PPM1E: variants seen among roughly 807,000 people sequenced by gnomAD.
PPM1E encodes the protein protein phosphatase 1E.
PPM1E carries 20 observed loss-of-function variants against 65.9 expected under a neutral mutation model. The observed-to-expected ratio is 0.30, with a 90% CI of 0.21 to 0.44. PPM1E has a LOEUF of 0.44. Ranked by LOEUF, PPM1E falls within the 20% of genes least tolerant of loss-of-function variation. The pLI is 1.00. For synonymous variants in PPM1E, 352 were observed against 374.9 expected, an observed-to-expected ratio of 0.94 and a Z score of 0.70; for missense variants, 713 against 953.1, an observed-to-expected ratio of 0.75 and a Z score of 3.32.
chr17:58,965,718 G>A lies in PPM1E; in HGVS notation c.608G>A (p.Arg203His), dbSNP rs759615540. The change falls in exon 3 of 7, where the codon CGT becomes CAT. Residue 203 changes from arginine (R) to histidine (H), a missense_variant. By Grantham distance (29) the Arg-to-His change is conservative. Coordinates refer to ENST00000308249, the MANE Select transcript of PPM1E (RefSeq NM_014906.5). The stretch of plus-strand genomic sequence containing the variant: ...GAGATTGAGACAGTGAAATTGGCCC[G>A]TTCTGTCTTCAGCAAACTACACGAG... ...TVEIETVKLA[R>H]SVFSKLHEIC... 27 of 1,613,940 alleles carry A rather than the reference G, an allele frequency of 1.7e-5. No homozygotes were observed. Among genetic ancestry groups the A allele is most frequent in the Non-Finnish European group, 2.2e-5 (26 of 1,180,010 alleles).
At chr17:58,762,888 A>C (rs1209672684) in intron 1 of PPM1E, among the ~76,000 whole-genome samples, 1 of 140,912 alleles carries the variant, frequency 7.1e-6, no homozygotes, top group Non-Finnish European at 1.5e-5. Context: ...ACAGAGCGAG[A>C]CTCCGTCTCA....
At chr17:58,835,203 T>C (rs2050642913) in intron 1 of PPM1E, among the ~76,000 whole-genome samples, 1 of 152,102 alleles carries the variant, frequency 6.6e-6, no homozygotes, top group East Asian at 1.9e-4. Flanking sequence ...TCGCCAACCA[T>C]GGTGGCACGT....
intron 1 of PPM1E, among the ~76,000 whole-genome samples, chr17:58,870,762 G>T (rs1356549481): frequency 2.0e-5 from 3 of 152,190 alleles, no homozygotes; most frequent in Admixed American, 6.5e-5. Flanking sequence ...TGTGCCGTAA[G>T]TATTAAACAT....
intron 1 of PPM1E, among the ~76,000 whole-genome samples, chr17:58,832,606 T>A (rs1002301917): frequency 4.3e-4 from 65 of 152,262 alleles, no homozygotes; most frequent in African/African-American, 1.5e-3. Context: ...TAACGTAACA[T>A]GAAATTTTAA....
At chr17:58,765,211 C>T (rs1282534289) in intron 1 of PPM1E, among the ~76,000 whole-genome samples, 2 of 145,562 alleles carry the variant, frequency 1.4e-5, no homozygotes, top group African/African-American at 2.6e-5. Context: ...CAGGGTCTCG[C>T]TCTGTCACCA....
At chr17:58,862,720 C>A (rs1245874658) in intron 1 of PPM1E, among the ~76,000 whole-genome samples, 1 of 152,128 alleles carries the variant, frequency 6.6e-6, no homozygotes, top group Non-Finnish European at 1.5e-5. Context: ...TGGGGAAGGC[C>A]TCCAATAATA....
At position 58,775,900 on chromosome 17, in the gene PPM1E, G is replaced by A. The variant is rs1421818351; in HGVS notation, c.464+19439G>A. ...CTGCAGTCCGCAGTCCGGCCTGGGC[G>A]ACAGAGCGAGACTCCGTCTCAAAAA... On this transcript the variant is annotated intron_variant, in intron 1 of 6. Coordinates refer to ENST00000308249, the MANE Select transcript of PPM1E (RefSeq NM_014906.5). 9.7e-5 allele frequency among the ~76,000 whole-genome samples: 11 copies of A among 113,160 alleles called. No homozygotes were observed. The Admixed American group carries it at 1.3e-3, about 13-fold the overall frequency. 74.2% of individuals were successfully genotyped at this position (113,160 alleles called of 152,430 possible). A position where few individuals can be genotyped will look rare whatever the true frequency, so the allele number is the denominator to read the frequency against.
intron 1 of PPM1E, among the ~76,000 whole-genome samples, chr17:58,939,872 C>A (rs763241013): frequency 1.3e-5 from 2 of 152,142 alleles, no homozygotes; most frequent in Non-Finnish European, 2.9e-5. Flanking sequence ...TTCAAAATAT[C>A]TGTTTATATA....
chr17:58,868,323 CAAAACA>C (rs1218158608), intron 1 of PPM1E, among the ~76,000 whole-genome samples: 1 of 151,818 alleles, frequency 6.6e-6, no homozygotes, highest in Admixed American at 6.6e-5. Flanking sequence ...TGTCTCAATA[CAAAACA>C]AAAACAAAAA....
chr17:58,778,561 C>T (rs940379065), intron 1 of PPM1E, among the ~76,000 whole-genome samples: 11 of 151,744 alleles, frequency 7.2e-5, no homozygotes, highest in Non-Finnish European at 1.5e-4. Context: ...AGGCATGTGC[C>T]ACCATGCCTC....
At chr17:58,921,336 G>A (rs544448548) in intron 1 of PPM1E, among the ~76,000 whole-genome samples, 1 of 152,142 alleles carries the variant, frequency 6.6e-6, no homozygotes, top group South Asian at 2.1e-4. Flanking sequence ...AGTAGAGAGG[G>A]GTAATTGATA....
intron 1 of PPM1E, among the ~76,000 whole-genome samples, chr17:58,945,176 A>G (rs1330937624): frequency 6.8e-6 from 1 of 146,004 alleles, no homozygotes; most frequent in Non-Finnish European, 1.5e-5. Context: ...ACTGAGTCTC[A>G]CTCTGTCATA....
rs574005471 is a variant in PPM1E, at chr17:58,768,961, G to A, written c.464+12500G>A. ...TGGGATTACAGGTGTGAGCCAATGC[G>A]CCTGGCCTATTGCTGTTTATTAAAA... On this transcript the variant is annotated intron_variant, in intron 1 of 6. Coordinates refer to ENST00000308249, the MANE Select transcript of PPM1E (RefSeq NM_014906.5). Among the ~76,000 whole-genome samples, 26 of 152,132 alleles carry A rather than the reference G, an allele frequency of 1.7e-4. No individual in the cohort carries two copies. In the East Asian group the frequency reaches 3.7e-3, roughly 21 times the overall value.
At chr17:58,865,771 C>T (rs1207281109) in intron 1 of PPM1E, among the ~76,000 whole-genome samples, 1 of 152,200 alleles carries the variant, frequency 6.6e-6, no homozygotes, top group Non-Finnish European at 1.5e-5. Context: ...TTTAGACTAT[C>T]AGTCTCTTGA....
At chr17:58,929,091 T>G (rs2143561232) in intron 1 of PPM1E, among the ~76,000 whole-genome samples, 1 of 152,156 alleles carries the variant, frequency 6.6e-6, no homozygotes, top group Admixed American at 6.6e-5. Context: ...ATAAATAAAC[T>G]GCAGTATGTT....
intron 1 of PPM1E, among the ~76,000 whole-genome samples, chr17:58,777,080 A>G (rs999431): frequency 0.64 from 96,453 of 151,732 alleles, 31,040 homozygotes; most frequent in African/African-American, 0.71. Flanking sequence ...AAAAAAATTA[A>G]CCAGGCATGG....
In PPM1E at chr17:58,965,779, C is replaced by G; in HGVS notation, c.669C>G (p.Arg223=). The G allele has an allele frequency of 1.2e-6, 2 of 1,614,134 alleles. No homozygotes were observed. Among genetic ancestry groups the G allele is most frequent in the Non-Finnish European group, 1.7e-6 (2 of 1,180,016 alleles). ...CCSWVKDFPL[R]RRPQLYYETS... ...GCTGGGTGAAAGACTTCCCCCTCCG[C>G]AGGAGACCCCAGCTTTATTATGAGA... Residue 223 remains arginine, a synonymous_variant, in exon 3 of 7, where the codon CGC becomes CGG. Transcript: ENST00000308249.
At chr17:58,894,409 A>AT (rs897927924) in intron 1 of PPM1E, among the ~76,000 whole-genome samples, 3 of 151,940 alleles carry the variant, frequency 2.0e-5, no homozygotes, top group Admixed American at 6.6e-5. Flanking sequence ...GATTTAAAGC[A>AT]TTTTTTTTCT....
At chr17:58,905,189 C>G (rs2051543917) in intron 1 of PPM1E, among the ~76,000 whole-genome samples, 2 of 152,054 alleles carry the variant, frequency 1.3e-5, no homozygotes, top group Admixed American at 6.6e-5. Flanking sequence ...AATCAGTATA[C>G]CTTTTAATTC....
Sources: allele counts gnomAD v4.1 joint callset (sites outside exome capture counted in the v4.1 genomes callset), GRCh38; gene constraint gnomAD v4.1.1; transcripts MANE v1.5; gene names NCBI Gene and HGNC (gene_info 2026-07-23, HGNC 2026-07-21).